RELL1: variants seen among roughly 807,000 people sequenced by gnomAD.
RELL1 encodes RELT-like protein 1.
In RELL1, 10 loss-of-function variants were observed where a neutral mutation model predicts 23.0. That is an observed-to-expected ratio of 0.43 (90% CI 0.27 to 0.74). The LOEUF (loss-of-function observed/expected upper bound fraction) is 0.74, where lower values mean the gene tolerates loss of function less well. Ranked by LOEUF, RELL1 falls within the 30% of genes least tolerant of loss-of-function variation. RELL1 has a pLI of 0.19. For synonymous variants in RELL1, 146 were observed against 146.8 expected (o/e 0.99, Z 0.04); for missense variants, 315 against 364.4 (o/e 0.86, Z 1.10).
intron 6 of RELL1, among the ~76,000 whole-genome samples, chr4:37,601,993 C>A (rs1719027753): frequency 6.6e-6 from 1 of 151,854 alleles, no homozygotes; most frequent in Admixed American, 6.6e-5. Context: ...GTGGGCAGAT[C>A]GTTTGAGCTC....
At chr4:37,629,125 CAGGT>C (rs1720043842) in intron 6 of RELL1, among the ~76,000 whole-genome samples, 6 of 152,288 alleles carry the variant, frequency 3.9e-5, no homozygotes, top group Admixed American at 3.9e-4. Flanking sequence ...GAGGGCAAGC[CAGGT>C]CTTCTGGTGC....
chr4:37,595,483 G>A (rs912315344), intron 6 of RELL1, among the ~76,000 whole-genome samples: 4 of 152,150 alleles, frequency 2.6e-5, no homozygotes, highest in Non-Finnish European at 4.4e-5. Context: ...TTGATTGAAA[G>A]AATACATAAA....
In RELL1 at chr4:37,604,878, C is replaced by CAG. The variant is rs1560323904; in HGVS notation, c.*4-13662_*4-13661insCT. 2.6e-3 allele frequency among the ~76,000 whole-genome samples: 111 copies of CAG among 42,898 alleles called. 1 individual carries two copies. In the East Asian group the frequency reaches 0.094, roughly 36 times the overall value. 28.1% of individuals were successfully genotyped at this position (42,898 alleles called of 152,430 possible). A position where few individuals can be genotyped will look rare whatever the true frequency, so the allele number is the denominator to read the frequency against. ...ACACACACACACAGACACACACACA[C>CAG]ATACACACAGACACACACACAGACA... is the stretch of plus-strand genomic sequence containing the variant. On this transcript the variant is annotated intron_variant, in intron 6 of 6. Transcript: ENST00000314117.
chr4:37,678,828 A>AT (rs1354467156), intron 1 of RELL1, among the ~76,000 whole-genome samples: 3 of 152,086 alleles, frequency 2.0e-5, no homozygotes, highest in Non-Finnish European at 4.4e-5. Flanking sequence ...TAATTTAAAG[A>AT]TTTTTTTTCT....
rs1719465091 is a variant in RELL1 at position 37,613,133 on chromosome 4, AT to A, written c.*212del. On this transcript the variant is annotated 3_prime_UTR_variant, in exon 7 of 7. Coordinates refer to ENST00000454158, the MANE Select transcript of RELL1 (RefSeq NM_001085400.2). The stretch of plus-strand genomic sequence containing the variant: ...AACAGCTCTTTCCTTCCCTGGAAGT[AT>A]AATAAAATTTTCAACAGACTCTTTC... 1 of 152,354 alleles carries A rather than the reference AT, an allele frequency of 6.6e-6. No individual in the cohort carries two copies. Among genetic ancestry groups the A allele is most frequent in the East Asian group, 1.9e-4 (1 of 5,186 alleles). 9.4% of individuals were successfully genotyped at this position (152,354 alleles called of 1,614,324 possible).
At chr4:37,604,818 CACAGACACACACATACACACAG>C (rs1719120204) in intron 6 of RELL1, among the ~76,000 whole-genome samples, 1 of 121,808 alleles carries the variant, frequency 8.2e-6, no homozygotes, top group African/African-American at 3.4e-5. Context: ...CAGACACACA[CACAGACACACACATACACACAG>C]ACACACACAC....
At chr4:37,658,258 G>T (rs1359208198) in intron 1 of RELL1, among the ~76,000 whole-genome samples, 1 of 152,112 alleles carries the variant, frequency 6.6e-6, no homozygotes, top group Admixed American at 6.5e-5. Context: ...TGCCATGCAG[G>T]CTGGAAACCA....
chr4:37,671,579 A>C (rs1721834409), intron 1 of RELL1, among the ~76,000 whole-genome samples: 1 of 152,226 alleles, frequency 6.6e-6, no homozygotes, highest in Non-Finnish European at 1.5e-5. Context: ...AATGTTGGGA[A>C]GTTACCTATA....
chr4:37,620,088 A>C (rs920882929), intron 6 of RELL1, among the ~76,000 whole-genome samples: 19 of 152,242 alleles, frequency 1.2e-4, no homozygotes, highest in African/African-American at 4.6e-4. Flanking sequence ...AATAGTGAGA[A>C]GCTTTCTATG....
chr4:37,593,946 C>A (rs1718737270), intron 6 of RELL1, among the ~76,000 whole-genome samples: 1 of 152,176 alleles, frequency 6.6e-6, no homozygotes, highest in Non-Finnish European at 1.5e-5. Context: ...GGTATCAGGG[C>A]AGACAAGTCT....
intron 6 of RELL1, among the ~76,000 whole-genome samples, chr4:37,603,818 G>GTTGTTTGT (rs904272775): frequency 6.6e-6 from 1 of 151,506 alleles, no homozygotes; most frequent in Non-Finnish European, 1.5e-5. Flanking sequence ...TTTTGTTGTT[G>GTTGTTTGT]TTGTTTGTTT....
chr4:37,682,090 A>G (rs1272838992), intron 1 of RELL1, among the ~76,000 whole-genome samples: 1 of 152,116 alleles, frequency 6.6e-6, no homozygotes, highest in African/African-American at 2.4e-5. Context: ...TTCCTCATCT[A>G]CAAACACAGG....
intron 1 of RELL1, 24 bp downstream of exon 1, chr4:37,686,176 C>T (rs1324440813): frequency 6.4e-7 from 1 of 1,557,364 alleles, no homozygotes; most frequent in East Asian, 2.4e-5. Context: ...GCACCCGGCG[C>T]CCCGGCTACG....
At chr4:37,657,919 T>TCACA (rs1406343874) in intron 1 of RELL1, among the ~76,000 whole-genome samples, 1 of 151,822 alleles carries the variant, frequency 6.6e-6, no homozygotes, top group African/African-American at 2.4e-5. Context: ...CGAGACCCTG[T>TCACA]CACACACACA....
At position 37,613,352 on chromosome 4, in the gene RELL1, A is replaced by AAAAC. The variant is rs1196486886; in HGVS notation, c.*4-14_*4-11dup. On this transcript the variant is annotated splice_polypyrimidine_tract_variant and intron_variant, in intron 6 of 6. Transcript: ENST00000454158. The stretch of plus-strand genomic sequence containing the variant: ...TCAAGTCAAGTCATTGCTGCAAGAG[A>AAAAC]AAACAAAAAATGTAGATCTTTAACC... The AAAAC allele has an allele frequency of 2.0e-5, 3 of 152,310 alleles. No individual in the cohort carries two copies. Among genetic ancestry groups the AAAAC allele is most frequent in the African/African-American group, 7.2e-5 (3 of 41,546 alleles). The allele number at this position is 152,310 out of a possible 1,614,324, so 9.4% of individuals were successfully genotyped here. A position where few individuals can be genotyped will look rare whatever the true frequency, so the allele number is the denominator to read the frequency against.
intron 6 of RELL1, among the ~76,000 whole-genome samples, chr4:37,614,692 A>G (rs1315732553): frequency 6.6e-6 from 1 of 152,088 alleles, no homozygotes; most frequent in Non-Finnish European, 1.5e-5. Context: ...AAAAAGGAAA[A>G]AATGAGAGGG....
Position 37,656,823 on chromosome 4 carries a change from T to C in RELL1, c.89-7323A>G, listed in dbSNP as rs1301491357. ...GATTTCTTCCATTTTGTCACTGATG[T>C]CATGAAGCAGCAAGAGGCCCTTACC... On this transcript the variant is annotated intron_variant, in intron 1 of 6. Transcript: ENST00000454158. Among the ~76,000 whole-genome samples, 4 of 152,268 alleles carry C rather than the reference T, an allele frequency of 2.6e-5. No homozygotes were observed. In the East Asian group the frequency reaches 5.8e-4, roughly 22 times the overall value.
At chr4:37,589,559 C>G (rs1270329383), downstream of RELL1, among the ~76,000 whole-genome samples, 1 of 152,078 alleles carries the variant, frequency 6.6e-6, no homozygotes, top group Non-Finnish European at 1.5e-5. Context: ...ATTCTATGAA[C>G]CACTTTGTAT....
At chr4:37,620,770 A>G (rs1395867547) in intron 6 of RELL1, among the ~76,000 whole-genome samples, 1 of 152,230 alleles carries the variant, frequency 6.6e-6, no homozygotes, top group Non-Finnish European at 1.5e-5. Context: ...CCTGGCCTCT[A>G]TGAGCTTCAA....
Sources: gnomAD v4.1 joint callset for allele counts (sites outside exome capture counted in the v4.1 genomes callset) on GRCh38, gnomAD v4.1.1 for gene constraint, MANE v1.5 for transcripts, NCBI Gene and HGNC (gene_info 2026-07-23, HGNC 2026-07-21) for gene names.